FAM200B: variants seen among roughly 807,000 people sequenced by gnomAD.
FAM200B encodes protein FAM200B.
A neutral mutation model predicts 33.1 loss-of-function variants in FAM200B; 32 were observed. The observed-to-expected ratio is 0.97, with a 90% CI of 0.73 to 1.30. The LOEUF (loss-of-function observed/expected upper bound fraction) is 1.30. FAM200B is among the 50% of genes most tolerant of loss of function. The pLI is 0.00. For missense variants in FAM200B, 741 were observed against 754.0 expected (o/e 0.98, Z 0.20); for synonymous variants, 240 against 264.8 (o/e 0.91, Z 0.91).
the FAM200B span, among the ~76,000 whole-genome samples, chr4:15,641,895 TG>T: frequency 6.6e-6 from 1 of 151,944 alleles, no homozygotes; most frequent in Non-Finnish European, 1.5e-5. Flanking sequence ...GGTGTAATGA[TG>T]GGCACCTGTA....
At chr4:15,657,135 TTAA>T in the FAM200B span, among the ~76,000 whole-genome samples, 1 of 152,246 alleles carries the variant, frequency 6.6e-6, no homozygotes, top group Non-Finnish European at 1.5e-5. Context: ...TCTATATTTT[TTAA>T]TAACCTCCAG....
chr4:15,644,759 CA>C, the FAM200B span: 1 of 1,327,232 alleles, frequency 7.5e-7, no homozygotes. Context: ...CAAATATGCA[CA>C]AATAAAAAAT....
chr4:15,684,834 C>T (rs1718679154), intron 1 of FAM200B: 1 of 152,180 alleles, frequency 6.6e-6, no homozygotes, highest in Non-Finnish European at 1.5e-5. Flanking sequence ...CTAAGAAAAG[C>T]TTTGTCTCTT....
the FAM200B span, chr4:15,640,851 T>G: frequency 5.8e-6 from 9 of 1,557,320 alleles, no homozygotes; most frequent in Non-Finnish European, 6.1e-6. Flanking sequence ...TCTCTTTCAG[T>G]TGTTTTGCAT....
chr4:15,651,027 C>T, the FAM200B span, among the ~76,000 whole-genome samples: 8 of 152,080 alleles, frequency 5.3e-5, no homozygotes, highest in Admixed American at 2.0e-4. Flanking sequence ...CACTTAAAGA[C>T]GATACAGTAC....
the FAM200B span, chr4:15,655,399 C>A: frequency 2.0e-6 from 2 of 1,025,024 alleles, no homozygotes; most frequent in Admixed American, 5.9e-5. Context: ...GCCCCGTCGG[C>A]GCGCGCGCCC....
At chr4:15,664,411 C>T in the FAM200B span, among the ~76,000 whole-genome samples, 1 of 152,054 alleles carries the variant, frequency 6.6e-6, no homozygotes, top group Non-Finnish European at 1.5e-5. Context: ...CACACTAATT[C>T]CTATTGAACA....
chr4:15,687,712 C>G lies in FAM200B; in HGVS notation c.735C>G (p.Val245=). 1 of 1,551,010 alleles carries G rather than the reference C, an allele frequency of 6.4e-7. No individual in the cohort carries two copies. Among genetic ancestry groups the G allele is most frequent in the Non-Finnish European group, 8.7e-7 (1 of 1,146,744 alleles). Residue 245 remains valine (V), a synonymous_variant, in exon 2 of 2, where the codon GTC becomes GTG. Coordinates refer to ENST00000422728, the MANE Select transcript of FAM200B (RefSeq NM_001145191.2). ...GCTGCACAACACTTTTAGTTTATGT[C>G]AGATATGCGTGGCAAGATGATTTTT... The part of the protein sequence containing the change: ...IGSCTTLLVY[V]RYAWQDDFLE...
upstream of FAM200B, chr4:15,681,532 G>C (rs937940697): frequency 1.5e-4 from 23 of 157,106 alleles, no homozygotes; most frequent in Non-Finnish European, 1.9e-4. Context: ...CCAGCTCAGA[G>C]GCAGAGTTCT....
the FAM200B span, among the ~76,000 whole-genome samples, chr4:15,656,053 CTG>C: frequency 6.6e-6 from 1 of 152,240 alleles, no homozygotes; most frequent in South Asian, 2.1e-4. Flanking sequence ...AAAACAGTAT[CTG>C]GGGATCCAGG....
rs2148866620 is a variant in FAM200B, at chr4:15,688,612, C to A, written c.1635C>A (p.His545Gln). Residue 545 changes from histidine (H) to glutamine (Q), a missense_variant, in exon 2 of 2, where the codon CAC (histidine) becomes CAA (glutamine). Transcript: ENST00000422728. ...SWVKDPFAFR[H>Q]PESIIELNLV... ...TAAAAGATCCATTTGCTTTTCGACA[C>A]CCTGAATCAATAATTGAGCTAAACT... is the stretch of plus-strand genomic sequence containing the variant. The A allele has an allele frequency of 6.4e-7, 1 of 1,551,014 alleles. No homozygotes were observed. The highest frequency in any genetic ancestry group is 2.4e-5 in the East Asian group (1 of 40,896).
At chr4:15,669,253 T>C in the FAM200B span, among the ~76,000 whole-genome samples, 3 of 152,178 alleles carry the variant, frequency 2.0e-5, no homozygotes, top group Non-Finnish European at 4.4e-5. Flanking sequence ...GCTCCTAGGC[T>C]ACAAACCAGT....
At chr4:15,660,384 G>A in the FAM200B span, among the ~76,000 whole-genome samples, 3 of 151,894 alleles carry the variant, frequency 2.0e-5, no homozygotes, top group South Asian at 2.1e-4. Flanking sequence ...ACCCAGCCCC[G>A]ACATTGTTTT....
In FAM200B at chr4:15,687,994, A is replaced by G. The variant is rs2148865223; in HGVS notation, c.1017A>G (p.Pro339=). 1 of 1,551,190 alleles carries G rather than the reference A, an allele frequency of 6.4e-7. No individual in the cohort carries two copies. The highest frequency in any genetic ancestry group is 2.4e-5 in the East Asian group (1 of 40,874). ...HREGLASREI[P]QNLMEVLKNA... ...AAGGTTTAGCATCCAGAGAAATTCC[A>G]CAGAATCTCATGGAGGTATTGAAAA... Residue 339 remains proline (P), a synonymous_variant, in exon 2 of 2, where the codon CCA becomes CCG. Coordinates refer to ENST00000422728, the MANE Select transcript of FAM200B (RefSeq NM_001145191.2).
chr4:15,679,149 G>A (rs868723762), upstream of FAM200B, among the ~76,000 whole-genome samples: 6 of 143,566 alleles, frequency 4.2e-5, no homozygotes. Context: ...TGCAACCTCC[G>A]CCTCCTGGGT....
intron 1 of FAM200B, among the ~76,000 whole-genome samples, chr4:15,683,684 A>G (rs752010682): frequency 2.2e-4 from 34 of 152,126 alleles, no homozygotes; most frequent in Non-Finnish European, 8.8e-5. Flanking sequence ...TGTTTCTACT[A>G]TTTCTTAACA....
chr4:15,674,535 C>CT, the FAM200B span, among the ~76,000 whole-genome samples: 1 of 152,038 alleles, frequency 6.6e-6, no homozygotes. Flanking sequence ...GTAATCATAA[C>CT]TTTTTTCCTT....
At position 15,687,875 on chromosome 4, in the gene FAM200B, G is replaced by A; in HGVS notation, c.898G>A (p.Ala300Thr). The change falls in exon 2 of 2, where the codon GCA (alanine) becomes ACA (threonine). Residue 300 changes from alanine (A) to threonine (T), a missense_variant. Physicochemically the swap from Ala to Thr is moderately conservative, Grantham distance 58. Transcript: ENST00000422728. ...TAAAGGAATTACAAGTGATGGCACA[G>A]CAACCATGACTGGAAAACATAGCAG... ...NCKGITSDGT[A>T]TMTGKHSRVI... 1 of 1,551,180 alleles carries A rather than the reference G, an allele frequency of 6.4e-7. No homozygotes were observed. Among genetic ancestry groups the A allele is most frequent in the South Asian group, 1.2e-5 (1 of 84,032 alleles).
At chr4:15,672,946 A>C in the FAM200B span, among the ~76,000 whole-genome samples, 1 of 152,124 alleles carries the variant, frequency 6.6e-6, no homozygotes, top group African/African-American at 2.4e-5. Flanking sequence ...ATTAGCCTAG[A>C]CTTACACAGG....
Sources: gnomAD v4.1 joint callset for allele counts (sites outside exome capture counted in the v4.1 genomes callset) on GRCh38, gnomAD v4.1.1 for gene constraint, MANE v1.5 for transcripts, NCBI Gene and HGNC (gene_info 2026-07-23, HGNC 2026-07-21) for gene names.